Variants in EXT1 observed in about 807,000 individuals in gnomAD.
EXT1 encodes the protein exostosin glycosyltransferase 1, also known as exostosin-1.
Under a neutral mutation model 82.5 loss-of-function variants are expected in EXT1, and 20 were observed. The ratio of observed to expected loss-of-function variants is 0.24; its 90% CI spans 0.17 to 0.35. EXT1 has a LOEUF of 0.35. EXT1 is among the 10% of genes least tolerant of loss of function. The pLI is 1.00. For synonymous variants in EXT1, 348 were observed against 350.8 expected, an observed-to-expected ratio of 0.99 and a Z score of 0.09; for missense variants, 757 against 936.5, an observed-to-expected ratio of 0.81 and a Z score of 2.50.
At chr8:117,864,599 A>C (rs1254985490) in intron 1 of EXT1, among the ~76,000 whole-genome samples, 1 of 152,136 alleles carries the variant, frequency 6.6e-6, no homozygotes, top group Non-Finnish European at 1.5e-5. Flanking sequence ...AATACAAAAA[A>C]TTAGCGGGGC....
At chr8:118,109,013 T>C (rs916445355) in intron 1 of EXT1, among the ~76,000 whole-genome samples, 1 of 152,150 alleles carries the variant, frequency 6.6e-6, no homozygotes, top group African/African-American at 2.4e-5. Flanking sequence ...ACTAACTCTT[T>C]CACAGCCAGA....
rs546379844 is a variant in EXT1 at position 117,973,904 on chromosome 8, G to T, written c.962+136181C>A. On this transcript the variant is annotated intron_variant, in intron 1 of 10. Coordinates refer to ENST00000378204, the MANE Select transcript of EXT1 (RefSeq NM_000127.3). ...AGGAAAGGAAGGAAAGGAAAGAAAA[G>T]GAAAGGAGGGAAGAAAGGCAGAAAG... 4.8e-5 allele frequency among the ~76,000 whole-genome samples: 6 copies of T among 124,624 alleles called. No homozygotes were observed. The East Asian group carries it at 1.4e-3, about 29-fold the overall frequency. 81.8% of individuals were successfully genotyped at this position (124,624 alleles called of 152,430 possible). A position where few individuals can be genotyped will look rare whatever the true frequency, so the allele number is the denominator to read the frequency against.
At chr8:118,065,012 C>A (rs1324329100) in intron 1 of EXT1, among the ~76,000 whole-genome samples, 2 of 152,122 alleles carry the variant, frequency 1.3e-5, no homozygotes, top group Admixed American at 1.3e-4. Context: ...GCCACCACAC[C>A]CAGCTAATTT....
At chr8:118,021,907 T>C (rs1816109029) in intron 1 of EXT1, among the ~76,000 whole-genome samples, 1 of 152,204 alleles carries the variant, frequency 6.6e-6, no homozygotes, top group Non-Finnish European at 1.5e-5. Flanking sequence ...TTCTGGGATT[T>C]TGTGAGCAAG....
chr8:118,018,031 C>A (rs1006468395), intron 1 of EXT1, among the ~76,000 whole-genome samples: 1 of 152,186 alleles, frequency 6.6e-6, no homozygotes, highest in Non-Finnish European at 1.5e-5. Context: ...TTTTTTCTTA[C>A]AATTAATTTT....
At chr8:118,007,080 G>A (rs924885260) in intron 1 of EXT1, among the ~76,000 whole-genome samples, 22 of 152,256 alleles carry the variant, frequency 1.4e-4, no homozygotes, top group Admixed American at 1.0e-3. Flanking sequence ...GGCGGATCAC[G>A]AGGTCAGGAG....
At chr8:117,910,833 A>C (rs1446993896) in intron 1 of EXT1, among the ~76,000 whole-genome samples, 1 of 152,222 alleles carries the variant, frequency 6.6e-6, no homozygotes, top group Non-Finnish European at 1.5e-5. Flanking sequence ...CTGGAGAAAC[A>C]ATATAGTCAA....
rs1181366390 is a variant in EXT1 at position 117,858,844 on chromosome 8, G to GGAAAGAAAGAAA, written c.963-21655_963-21644dup. Among the ~76,000 whole-genome samples the GGAAAGAAAGAAA allele has an allele frequency of 2.5e-4, 21 of 85,334 alleles. 1 individual carries two copies. The highest frequency in any genetic ancestry group is 2.0e-3 in the East Asian group (6 of 2,984). The allele number at this position is 85,334 out of a possible 152,430, so 56.0% of individuals were successfully genotyped here. The stretch of plus-strand genomic sequence containing the variant: ...AGGAAGGAAGGAAGGAAGGAAGGAA[G>GGAAAGAAAGAAA]GAAAGAAAGAAAGAAAGAAAGAAAG... On this transcript the variant is annotated intron_variant, in intron 1 of 10. Coordinates refer to ENST00000378204, the MANE Select transcript of EXT1 (RefSeq NM_000127.3).
chr8:117,853,559 G>T (rs149277279), intron 1 of EXT1, among the ~76,000 whole-genome samples: 1 of 152,196 alleles, frequency 6.6e-6, no homozygotes, highest in South Asian at 2.1e-4. Flanking sequence ...CTAAGGCAAC[G>T]GACATTGACC....
In EXT1 at chr8:117,837,151, C is replaced by T. The variant is rs1288618931; in HGVS notation, c.1013G>A (p.Arg338His). Residue 338 changes from arginine (R) to histidine (H), a missense_variant, in exon 2 of 11, where the codon CGT becomes CAT. Arg to His is a conservative substitution (Grantham distance 29). Coordinates refer to ENST00000378204, the MANE Select transcript of EXT1 (RefSeq NM_000127.3). ...TCTGAAGGACCCAAGCCTGCGACCA[C>T]GAGGAACCAGACAGAAAGTGGCATT... ...LHNATFCLVPRGRRLGSFRFL... is the reference protein window; with the variant it reads ...LHNATFCLVPHGRRLGSFRFL... 6 of 1,614,022 alleles carry T rather than the reference C, an allele frequency of 3.7e-6. No individual in the cohort carries two copies. Among genetic ancestry groups the T allele is most frequent in the African/African-American group, 1.3e-5 (1 of 75,016 alleles).
intron 1 of EXT1, among the ~76,000 whole-genome samples, chr8:117,905,860 C>T (rs1586276805): frequency 6.6e-6 from 1 of 152,120 alleles, no homozygotes; most frequent in Non-Finnish European, 1.5e-5. Flanking sequence ...CAGATTTTTA[C>T]CTTCTAGGGA....
intron 1 of EXT1, among the ~76,000 whole-genome samples, chr8:117,844,861 G>A (rs1416025655): frequency 6.6e-6 from 1 of 151,664 alleles, no homozygotes; most frequent in Non-Finnish European, 1.5e-5. Flanking sequence ...TTTGGAGGTG[G>A]TACAATTCCT....
At chr8:117,843,025 C>T (rs762339310) in intron 1 of EXT1, among the ~76,000 whole-genome samples, 3 of 152,212 alleles carry the variant, frequency 2.0e-5, no homozygotes, top group Non-Finnish European at 4.4e-5. Context: ...ACATCTACAG[C>T]TGATCTACTC....
intron 1 of EXT1, among the ~76,000 whole-genome samples, chr8:118,015,747 T>C (rs1815989990): frequency 6.6e-6 from 1 of 152,222 alleles, no homozygotes; most frequent in Non-Finnish European, 1.5e-5. Context: ...CCTCAGCATA[T>C]GACTTTATTT....
intron 1 of EXT1, among the ~76,000 whole-genome samples, chr8:117,907,466 C>A (rs1813564060): frequency 6.6e-6 from 1 of 152,170 alleles, no homozygotes; most frequent in Non-Finnish European, 1.5e-5. Flanking sequence ...CATCCTTTGA[C>A]TTTTGCTGTC....
rs1445562561 is a variant in EXT1 at position 117,967,778 on chromosome 8, TTTAACTCACAGAACAGAAATC to T, written c.963-130598_963-130578del. Among the ~76,000 whole-genome samples, 3 of 152,340 alleles carry T rather than the reference TTTAACTCACAGAACAGAAATC, an allele frequency of 2.0e-5. No individual in the cohort carries two copies. In the East Asian group the frequency reaches 5.8e-4, roughly 29 times the overall value. ...TGCTACAACAGTGCTGAGAGTTACT[TTTAACTCACAGAACAGAAATC>T]TAAAGGTGGAGAGGTAATGAAGCCA... On this transcript the variant is annotated intron_variant, in intron 1 of 10. Transcript: ENST00000378204.
chr8:117,923,529 A>G (rs1440817957), intron 1 of EXT1, among the ~76,000 whole-genome samples: 1 of 151,520 alleles, frequency 6.6e-6, no homozygotes, highest in Non-Finnish European at 1.5e-5. Context: ...CATCCTGGCT[A>G]ACACGGTGAA....
intron 1 of EXT1, among the ~76,000 whole-genome samples, chr8:117,948,970 T>C (rs1345169885): frequency 1.3e-5 from 2 of 152,232 alleles, no homozygotes; most frequent in African/African-American, 4.8e-5. Context: ...TTGTTCTCAA[T>C]TAATAGAGAC....
intron 1 of EXT1, among the ~76,000 whole-genome samples, chr8:117,882,489 T>C (rs760420100): frequency 2.0e-5 from 3 of 152,188 alleles, no homozygotes; most frequent in Non-Finnish European, 4.4e-5. Context: ...GCCACTATGA[T>C]TAAGGCTCCT....
Sources: gnomAD v4.1 joint callset for allele counts (sites outside exome capture counted in the v4.1 genomes callset) on GRCh38, gnomAD v4.1.1 for gene constraint, MANE v1.5 for transcripts, NCBI Gene and HGNC (gene_info 2026-07-23, HGNC 2026-07-21) for gene names.